The following HCRTR2 variants were observed in gnomAD, a reference collection of about 807,000 sequenced individuals.
HCRTR2 encodes orexin receptor type 2.
A neutral mutation model predicts 49.0 loss-of-function variants in HCRTR2; 22 were observed. That is an observed-to-expected ratio of 0.45 (90% confidence interval 0.32 to 0.64). HCRTR2 has a LOEUF of 0.64. HCRTR2 is among the 30% of genes least tolerant of loss of function. The probability of loss-of-function intolerance (pLI) is 0.04; values close to 1 mark genes in which losing one functional copy is unlikely to be tolerated. For missense variants in HCRTR2, 491 were observed against 559.4 expected (o/e 0.88, Z 1.23); for synonymous variants, 236 against 205.3 (o/e 1.15, Z -1.28).
Position 55,277,525 on chromosome 6 carries a change from C to A in HCRTR2, c.908C>A (p.Ala303Asp). The A allele has an allele frequency of 6.2e-7, 1 of 1,614,038 alleles. No homozygotes were observed. Among genetic ancestry groups the A allele is most frequent in the East Asian group, 2.2e-5 (1 of 44,850 alleles). ...IKQIRARRKT[A>D]RMLMIVLLVF... is the part of the protein sequence containing the mutation. ...CAGATCCGAGCCAGAAGGAAAACAG[C>A]CCGGATGTTGATGATTGTGCTTTTG... Residue 303 changes from alanine to aspartate, a missense_variant, in exon 5 of 7, where the codon GCC becomes GAC. Physicochemically the swap from Ala to Asp is moderately radical, Grantham distance 126. Transcript: ENST00000370862.
intron 2 of HCRTR2, among the ~76,000 whole-genome samples, chr6:55,253,203 C>T (rs1200931081): frequency 6.6e-6 from 1 of 151,850 alleles, no homozygotes; most frequent in African/African-American, 2.4e-5. Flanking sequence ...AGCACACACA[C>T]ACACACACAC....
chr6:55,213,221 C>T (rs764754772), intron 1 of HCRTR2, among the ~76,000 whole-genome samples: 3 of 152,048 alleles, frequency 2.0e-5, no homozygotes, highest in Non-Finnish European at 4.4e-5. Flanking sequence ...GAAAAAAACA[C>T]TAAATAGCAG....
intron 1 of HCRTR2, among the ~76,000 whole-genome samples, chr6:55,156,025 C>T (rs1764725833): frequency 6.6e-6 from 1 of 151,920 alleles, no homozygotes; most frequent in Non-Finnish European, 1.5e-5. Context: ...AAAACCCCAG[C>T]ACCTTTAATA....
At chr6:55,151,283 C>A (rs1764661614) in intron 1 of HCRTR2, among the ~76,000 whole-genome samples, 1 of 151,994 alleles carries the variant, frequency 6.6e-6, no homozygotes, top group African/African-American at 2.4e-5. Context: ...CTATTTTACC[C>A]ACAATAAAAC....
At chr6:55,208,319 T>TAAAAAAA (rs561714147) in intron 1 of HCRTR2, among the ~76,000 whole-genome samples, 1 of 126,752 alleles carries the variant, frequency 7.9e-6, no homozygotes, top group Non-Finnish European at 1.7e-5. Flanking sequence ...CTACGAAAAA[T>TAAAAAAA]AAAAAAATAA....
intron 1 of HCRTR2, among the ~76,000 whole-genome samples, chr6:55,204,459 A>G (rs1456140066): frequency 1.3e-5 from 2 of 152,142 alleles, no homozygotes; most frequent in African/African-American, 4.8e-5. Flanking sequence ...TTTTTCTTAG[A>G]ATCTTCTATA....
intron 1 of HCRTR2, among the ~76,000 whole-genome samples, chr6:55,128,855 T>C (rs568465489): frequency 6.6e-6 from 1 of 152,244 alleles, no homozygotes; most frequent in South Asian, 2.1e-4. Context: ...TGATTTAATA[T>C]AATAACATGA....
At chr6:55,162,226 A>AT (rs1439089469) in intron 1 of HCRTR2, among the ~76,000 whole-genome samples, 1 of 152,224 alleles carries the variant, frequency 6.6e-6, no homozygotes, top group East Asian at 1.9e-4. Flanking sequence ...AACAGAACCA[A>AT]TGACAAAAAC....
upstream of HCRTR2, among the ~76,000 whole-genome samples, chr6:55,173,974 C>G (rs571560222): frequency 4.6e-5 from 7 of 152,062 alleles, no homozygotes; most frequent in African/African-American, 1.7e-4. Flanking sequence ...ACAGAGGCAC[C>G]TCCTTATTGC....
chr6:55,275,777 AT>A (rs1247871536), intron 4 of HCRTR2, among the ~76,000 whole-genome samples: 2 of 151,780 alleles, frequency 1.3e-5, no homozygotes, highest in African/African-American at 4.8e-5. Flanking sequence ...CGCCCAGCTA[AT>A]TTTGTATTTT....
chr6:55,137,997 T>C (rs371399719), intron 1 of HCRTR2, among the ~76,000 whole-genome samples: 1 of 152,172 alleles, frequency 6.6e-6, no homozygotes, highest in East Asian at 1.9e-4. Context: ...GCACATTAAA[T>C]GCAAGACTTG....
intron 1 of HCRTR2, among the ~76,000 whole-genome samples, chr6:55,243,738 A>T (rs1455340270): frequency 6.6e-6 from 1 of 152,200 alleles, no homozygotes; most frequent in African/African-American, 2.4e-5. Flanking sequence ...GAGAAAAAGC[A>T]GCTTATAATG....
downstream of HCRTR2, among the ~76,000 whole-genome samples, chr6:55,284,618 C>T (rs567632340): frequency 3.5e-4 from 53 of 152,012 alleles, 1 homozygote; most frequent in South Asian, 0.011. Context: ...GGTTGGATGT[C>T]TGAAAGAAGA....
At chr6:55,272,549 A>G (rs1456157563) in intron 4 of HCRTR2, among the ~76,000 whole-genome samples, 5 of 152,054 alleles carry the variant, frequency 3.3e-5, no homozygotes, top group African/African-American at 1.2e-4. Context: ...TCTTTTAAAA[A>G]GAAAGAACAA....
At chr6:55,243,882 G>A (rs1347359418) in intron 1 of HCRTR2, among the ~76,000 whole-genome samples, 1 of 152,082 alleles carries the variant, frequency 6.6e-6, no homozygotes, top group Non-Finnish European at 1.5e-5. Flanking sequence ...GAAGAAAGAA[G>A]TCATGTTAAT....
intron 1 of HCRTR2, among the ~76,000 whole-genome samples, chr6:55,147,708 C>T (rs1171093031): frequency 6.6e-6 from 1 of 152,042 alleles, no homozygotes. Context: ...TGTAGTGTCC[C>T]TTTGAAAGTA....
chr6:55,175,976 A>G (rs4615392), intron 1 of HCRTR2, among the ~76,000 whole-genome samples: 145,886 of 151,718 alleles, frequency 0.96, 70,027 homozygotes, highest in South Asian at 0.99. Flanking sequence ...TTATAAAAGA[A>G]GAAGAAGGTG....
intron 1 of HCRTR2, among the ~76,000 whole-genome samples, chr6:55,203,357 G>A (rs907043797): frequency 2.0e-5 from 3 of 152,054 alleles, no homozygotes; most frequent in African/African-American, 7.2e-5. Context: ...CCATAGCTTG[G>A]GGTTTTAGTT....
intron 1 of HCRTR2, among the ~76,000 whole-genome samples, chr6:55,182,646 T>C (rs62418310): frequency 0.34 from 51,829 of 152,040 alleles, 9,146 homozygotes; most frequent in Admixed American, 0.42. Flanking sequence ...ACTATTCAGC[T>C]AAGCTTCTTG....
Sources: allele counts gnomAD v4.1 joint callset (sites outside exome capture counted in the v4.1 genomes callset), GRCh38; gene constraint gnomAD v4.1.1; transcripts MANE v1.5; gene names NCBI Gene and HGNC (gene_info 2026-07-23, HGNC 2026-07-21).